The following TGFBR3 variants were observed in gnomAD, a reference collection of about 807,000 sequenced individuals.
TGFBR3 encodes the protein transforming growth factor beta receptor type 3.
TGFBR3 carries 46 observed loss-of-function variants against 87.9 expected under a neutral mutation model. The ratio of observed to expected loss-of-function variants is 0.52; its 90% CI spans 0.41 to 0.67. TGFBR3 has a LOEUF of 0.67. TGFBR3 is among the 30% of genes least tolerant of loss of function. The pLI, the probability that TGFBR3 is intolerant of heterozygous loss-of-function variation, is 0.00. For missense variants in TGFBR3, 866 were observed against 1,041.9 expected (o/e 0.83, Z 2.32); for synonymous variants, 381 against 391.6 (o/e 0.97, Z 0.32).
chr1:91,737,272 G>T (rs564667025), intron 4 of TGFBR3, among the ~76,000 whole-genome samples: 1 of 152,160 alleles, frequency 6.6e-6, no homozygotes, highest in Non-Finnish European at 1.5e-5. Context: ...AGCAAGGAGT[G>T]AGCTAGCACT....
At chr1:91,851,146 A>T (rs1424732153) in intron 2 of TGFBR3, among the ~76,000 whole-genome samples, 1 of 152,142 alleles carries the variant, frequency 6.6e-6, no homozygotes, top group East Asian at 1.9e-4. Context: ...AGATTTTTTT[A>T]AAGATGTTTA....
intron 2 of TGFBR3, among the ~76,000 whole-genome samples, chr1:91,835,501 C>T (rs1677024704): frequency 6.6e-6 from 1 of 152,100 alleles, no homozygotes; most frequent in South Asian, 2.1e-4. Flanking sequence ...ACATATCAGG[C>T]TGAGTTTGAC....
At chr1:91,849,886 T>C (rs1677653624) in intron 2 of TGFBR3, among the ~76,000 whole-genome samples, 1 of 151,660 alleles carries the variant, frequency 6.6e-6, no homozygotes, top group African/African-American at 2.4e-5. Flanking sequence ...ATTGAGACCA[T>C]CCTGGCTAAC....
chr1:91,739,732 A>G (rs1401821330), intron 4 of TGFBR3, among the ~76,000 whole-genome samples: 1 of 152,220 alleles, frequency 6.6e-6, no homozygotes, highest in Non-Finnish European at 1.5e-5. Flanking sequence ...TGCTATAAAA[A>G]AATACCTGGG....
chr1:91,767,789 G>A (rs2100922687), intron 3 of TGFBR3, among the ~76,000 whole-genome samples: 1 of 151,606 alleles, frequency 6.6e-6, no homozygotes, highest in African/African-American at 2.4e-5. Context: ...TTTACTCCTG[G>A]AAACTATATA....
intron 3 of TGFBR3, among the ~76,000 whole-genome samples, chr1:91,762,822 A>T (rs1485273510): frequency 6.6e-6 from 1 of 152,256 alleles, no homozygotes. Context: ...AATTTTATAA[A>T]GAAATTCAAA....
intron 2 of TGFBR3, among the ~76,000 whole-genome samples, chr1:91,825,397 T>G (rs1002416491): frequency 3.3e-5 from 5 of 152,222 alleles, no homozygotes; most frequent in African/African-American, 1.2e-4. Context: ...AGGCCACATA[T>G]GGCATGACTC....
chr1:91,846,176 A>G (rs1430440195), intron 2 of TGFBR3, among the ~76,000 whole-genome samples: 1 of 152,166 alleles, frequency 6.6e-6, no homozygotes, highest in Non-Finnish European at 1.5e-5. Context: ...CCAAAACGCA[A>G]TTGAGCCGGG....
chr1:91,732,567 G>T (rs1224129794), intron 5 of TGFBR3, among the ~76,000 whole-genome samples: 1 of 152,182 alleles, frequency 6.6e-6, no homozygotes, highest in Non-Finnish European at 1.5e-5. Flanking sequence ...CTGGGAAGTG[G>T]GGGATGAAGC....
intron 7 of TGFBR3, among the ~76,000 whole-genome samples, chr1:91,724,394 A>G (rs1453464876): frequency 6.6e-6 from 1 of 152,172 alleles, no homozygotes; most frequent in East Asian, 1.9e-4. Flanking sequence ...AATCACAACA[A>G]TTGGCCTAAA....
chr1:91,735,444 A>C (rs548483691), intron 4 of TGFBR3, among the ~76,000 whole-genome samples: 1 of 152,320 alleles, frequency 6.6e-6, no homozygotes, highest in South Asian at 2.1e-4. Context: ...CACAATAGGG[A>C]AACAGCGAGA....
At chr1:91,696,645 C>T (rs78213542) in intron 15 of TGFBR3, among the ~76,000 whole-genome samples, 5,126 of 152,202 alleles carry the variant, frequency 0.034, 124 homozygotes, top group Non-Finnish European at 0.048. Context: ...AAATTGGTTT[C>T]CAAGGGGGAG....
intron 16 of TGFBR3, among the ~76,000 whole-genome samples, chr1:91,688,221 G>A (rs949340883): frequency 5.3e-5 from 8 of 152,258 alleles, no homozygotes; most frequent in South Asian, 2.1e-4. Context: ...CTATATTCCT[G>A]CAGTGTGGCC....
At chr1:91,814,227 G>GTA (rs1676126728) in intron 2 of TGFBR3, among the ~76,000 whole-genome samples, 3 of 151,638 alleles carry the variant, frequency 2.0e-5, no homozygotes, top group Non-Finnish European at 4.4e-5. Flanking sequence ...ATATGTATAT[G>GTA]TATGTATATA....
chr1:91,872,665 C>T (rs1278043122), intron 1 of TGFBR3, among the ~76,000 whole-genome samples: 1 of 152,142 alleles, frequency 6.6e-6, no homozygotes, highest in Admixed American at 6.5e-5. Context: ...GAAATTCTGC[C>T]CTGTTTCCCC....
intron 12 of TGFBR3, among the ~76,000 whole-genome samples, chr1:91,715,352 T>A (rs1285312570): frequency 6.6e-6 from 1 of 152,218 alleles, no homozygotes; most frequent in Non-Finnish European, 1.5e-5. Flanking sequence ...CCAGCGAAGA[T>A]CAGTCAGAGC....
chr1:91,842,721 A>G (rs2101120364), intron 2 of TGFBR3, among the ~76,000 whole-genome samples: 1 of 152,340 alleles, frequency 6.6e-6, no homozygotes, highest in Admixed American at 6.5e-5. Context: ...TATTGTCTAA[A>G]TAAAGATTAA....
Position 91,730,598 on chromosome 1 carries a change from G to A in TGFBR3, c.569-625C>T, listed in dbSNP as rs547214823. The stretch of plus-strand genomic sequence containing the variant: ...AATACTTATGTATTTCATGGTCAGC[G>A]TATTTAACATTCAATCCATTCTATC... On this transcript the variant is annotated intron_variant, in intron 5 of 16. Transcript: ENST00000212355. Among the ~76,000 whole-genome samples the A allele has an allele frequency of 5.9e-5, 9 of 152,238 alleles. No homozygotes were observed. The East Asian group carries it at 7.7e-4, about 13-fold the overall frequency.
chr1:91,860,559 G>A (rs1433890457), intron 2 of TGFBR3, among the ~76,000 whole-genome samples: 1 of 152,134 alleles, frequency 6.6e-6, no homozygotes, highest in Non-Finnish European at 1.5e-5. Context: ...GGTGGTGTGG[G>A]AGATCCGATA....
Sources: gnomAD v4.1 joint callset for allele counts (sites outside exome capture counted in the v4.1 genomes callset) on GRCh38, gnomAD v4.1.1 for gene constraint, MANE v1.5 for transcripts, NCBI Gene and HGNC (gene_info 2026-07-23, HGNC 2026-07-21) for gene names.